SOX6: variants seen among roughly 807,000 people sequenced by gnomAD.
The protein encoded by SOX6 is SRY-box transcription factor 6.
SOX6 carries 11 observed loss-of-function variants against 97.8 expected under a neutral mutation model. The ratio of observed to expected loss-of-function variants is 0.11; its 90% CI spans 0.07 to 0.19. The LOEUF (loss-of-function observed/expected upper bound fraction) is 0.19. Among genes scored for constraint, SOX6 ranks in the 10% least tolerant of loss-of-function variants. The pLI, the probability that SOX6 is intolerant of heterozygous loss-of-function variation, is 1.00. For synonymous variants in SOX6, 360 were observed against 371.4 expected (o/e 0.97, Z 0.35); for missense variants, 810 against 1,039.5 (o/e 0.78, Z 3.04).
chr11:15,968,652 A>G lies in SOX6; in HGVS notation c.*4157T>C, dbSNP rs992269924. 1 of 152,230 alleles carries G rather than the reference A, an allele frequency of 6.6e-6. No homozygotes were observed. The highest frequency in any genetic ancestry group is 2.4e-5 in the African/African-American group (1 of 41,454). The allele number at this position is 152,230 out of a possible 1,614,324, so 9.4% of individuals were successfully genotyped here. On this transcript the variant is annotated 3_prime_UTR_variant, in exon 16 of 16. Transcript: ENST00000683767. ...GGAAAAGAAAGCAGCCTTTAATTTC[A>G]GCCCTAGAGTGATCACGCCCTTTTC... is the stretch of plus-strand genomic sequence containing the variant.
At chr11:16,284,971 A>G (rs1026591814) in intron 3 of SOX6, among the ~76,000 whole-genome samples, 20 of 152,168 alleles carry the variant, frequency 1.3e-4, no homozygotes, top group African/African-American at 4.6e-4. Flanking sequence ...ACTAAGGTAC[A>G]TTAAAAGCAC....
At chr11:16,549,606 A>C (rs1196345934) in intron 4 of SOX6, among the ~76,000 whole-genome samples, 1 of 152,212 alleles carries the variant, frequency 6.6e-6, no homozygotes, top group African/African-American at 2.4e-5. Flanking sequence ...GTTTTTACCC[A>C]AAAGAAATGA....
intron 15 of SOX6, among the ~76,000 whole-genome samples, chr11:15,974,533 C>T (rs1590100599): frequency 8.3e-6 from 1 of 121,062 alleles, no homozygotes; most frequent in East Asian, 2.8e-4. Flanking sequence ...AATGCTATCC[C>T]TCCCCCCTCC....
chr11:15,994,936 A>C (rs747986394), intron 13 of SOX6, among the ~76,000 whole-genome samples: 3 of 152,330 alleles, frequency 2.0e-5, no homozygotes, highest in Middle Eastern at 3.4e-3. Context: ...CTAGAATGAA[A>C]GGCATTTTAC....
chr11:16,342,444 C>G (rs1213374013), intron 1 of SOX6, among the ~76,000 whole-genome samples: 1 of 151,852 alleles, frequency 6.6e-6, no homozygotes, highest in Non-Finnish European at 1.5e-5. Flanking sequence ...AAAAAATGCA[C>G]AAATCAGTTA....
intron 4 of SOX6, among the ~76,000 whole-genome samples, chr11:16,190,043 A>C (rs1312809276): frequency 1.3e-5 from 2 of 152,160 alleles, no homozygotes; most frequent in Non-Finnish European, 2.9e-5. Context: ...ATAATACCTA[A>C]GTGACTTCTT....
At chr11:16,563,510 G>C (rs1305241792) in intron 4 of SOX6, among the ~76,000 whole-genome samples, 1 of 152,072 alleles carries the variant, frequency 6.6e-6, no homozygotes, top group Non-Finnish European at 1.5e-5. Flanking sequence ...TTGTAGAATG[G>C]AAAGCACCAA....
intron 1 of SOX6, among the ~76,000 whole-genome samples, chr11:16,464,415 A>G (rs1005207603): frequency 2.1e-4 from 32 of 152,088 alleles, no homozygotes; most frequent in African/African-American, 7.7e-4. Flanking sequence ...AACTCAGCAC[A>G]TAGCATACAG....
upstream of SOX6, among the ~76,000 whole-genome samples, chr11:16,477,248 C>G (rs187387563): frequency 3.9e-4 from 59 of 152,182 alleles, no homozygotes; most frequent in East Asian, 9.5e-3. Context: ...AGAAACTTTC[C>G]TAGGCTCTGG....
intron 6 of SOX6, among the ~76,000 whole-genome samples, chr11:16,132,477 AAAG>A (rs1471584429): frequency 6.9e-6 from 1 of 145,872 alleles, no homozygotes; most frequent in Non-Finnish European, 1.5e-5. Flanking sequence ...AGAAAGAAAG[AAAG>A]AAAGAAAGAA....
chr11:16,370,994 T>C (rs1857481368), intron 1 of SOX6, among the ~76,000 whole-genome samples: 1 of 152,118 alleles, frequency 6.6e-6, no homozygotes, highest in African/African-American at 2.4e-5. Flanking sequence ...CCTTTTAAAA[T>C]AAACATGAGT....
chr11:15,984,132 T>C (rs1853753359), intron 15 of SOX6, among the ~76,000 whole-genome samples: 1 of 152,228 alleles, frequency 6.6e-6, no homozygotes, highest in Non-Finnish European at 1.5e-5. Context: ...ATGTGACTTA[T>C]ATATCTAAAA....
intron 1 of SOX6, among the ~76,000 whole-genome samples, chr11:16,419,304 A>C (rs1287208313): frequency 6.6e-6 from 1 of 152,168 alleles, no homozygotes; most frequent in Non-Finnish European, 1.5e-5. Flanking sequence ...AAAGATTTGC[A>C]TAGAGTTTAA....
intron 1 of SOX6, among the ~76,000 whole-genome samples, chr11:16,466,930 CAAAAAAAAAAA>C (rs764424447): frequency 1.9e-4 from 8 of 41,556 alleles, no homozygotes; most frequent in African/African-American, 7.0e-4. Context: ...GACTCCGTCT[CAAAAAAAAAAA>C]AAAAAAAAAA....
At chr11:16,083,845 AAAAGCTAGGTACCAGGAAGATTAATTTGT>A in intron 9 of SOX6, among the ~76,000 whole-genome samples, 1 of 152,278 alleles carries the variant, frequency 6.6e-6, no homozygotes, top group Admixed American at 6.5e-5. Flanking sequence ...CCCATTTGAT[AAAAGCTAGGTACCAGGAAGATTAATTTGT>A]CCAAGCACAT....
At chr11:16,696,588 T>C (rs1294041572) in intron 3 of SOX6, among the ~76,000 whole-genome samples, 3 of 152,246 alleles carry the variant, frequency 2.0e-5, no homozygotes, top group Non-Finnish European at 4.4e-5. Context: ...GTTTGTATTA[T>C]ATGGTAGTCT....
At chr11:16,293,880 T>C (rs536849832) in intron 3 of SOX6, among the ~76,000 whole-genome samples, 1 of 152,162 alleles carries the variant, frequency 6.6e-6, no homozygotes, top group East Asian at 1.9e-4. Context: ...CTGCTTGCAC[T>C]GTTCTGAGGC....
intron 4 of SOX6, among the ~76,000 whole-genome samples, chr11:16,544,730 T>A (rs1200961816): frequency 1.3e-5 from 2 of 152,168 alleles, no homozygotes; most frequent in African/African-American, 2.4e-5. Context: ...AACTTTTTTT[T>A]AATGTACAGT....
At chr11:16,436,827 T>C (rs938365744) in intron 1 of SOX6, among the ~76,000 whole-genome samples, 1 of 152,166 alleles carries the variant, frequency 6.6e-6, no homozygotes, top group African/African-American at 2.4e-5. Flanking sequence ...TATTGCTATA[T>C]GTAGCCTCTT....
Sources: allele counts gnomAD v4.1 joint callset (sites outside exome capture counted in the v4.1 genomes callset), GRCh38; gene constraint gnomAD v4.1.1; transcripts MANE v1.5; gene names NCBI Gene and HGNC (gene_info 2026-07-23, HGNC 2026-07-21).